APBA1: variants seen among roughly 807,000 people sequenced by gnomAD.
APBA1 encodes the protein amyloid-beta A4 precursor protein-binding family A member 1.
Under a neutral mutation model 86.6 loss-of-function variants are expected in APBA1, and 55 were observed. The ratio of observed to expected loss-of-function variants is 0.64; its 90% CI spans 0.51 to 0.80. APBA1 has a LOEUF of 0.80. APBA1 is among the 30% of genes least tolerant of loss of function. APBA1 has a pLI of 0.00. For missense variants in APBA1, 1,090 were observed against 1,183.0 expected (o/e 0.92, Z 1.15); for synonymous variants, 511 against 493.9 (o/e 1.03, Z -0.46).
intron 1 of APBA1, among the ~76,000 whole-genome samples, chr9:69,597,268 G>A (rs1398772895): frequency 1.3e-5 from 2 of 152,196 alleles, no homozygotes; most frequent in African/African-American, 4.8e-5. Flanking sequence ...GATGGCCAGT[G>A]ATGATAAGCA....
chr9:69,433,830 A>AAGAC (rs1834647681), intron 11 of APBA1, among the ~76,000 whole-genome samples: 2 of 121,396 alleles, frequency 1.6e-5, no homozygotes, highest in African/African-American at 8.1e-5. Context: ...TTTTTTTTTT[A>AAGAC]AGACAGAGTC....
chr9:69,599,158 C>G (rs10867828), intron 1 of APBA1, among the ~76,000 whole-genome samples: 1 of 151,978 alleles, frequency 6.6e-6, no homozygotes, highest in Non-Finnish European at 1.5e-5. Flanking sequence ...GATGGCTGCA[C>G]GACAATGTGA....
intron 1 of APBA1, among the ~76,000 whole-genome samples, chr9:69,546,132 C>T (rs1836693717): frequency 6.6e-6 from 1 of 152,102 alleles, no homozygotes; most frequent in Non-Finnish European, 1.5e-5. Flanking sequence ...ATGAGGTTGT[C>T]ATTTGTATTT....
chr9:69,641,977 T>C (rs1313757018), intron 1 of APBA1, among the ~76,000 whole-genome samples: 3 of 152,168 alleles, frequency 2.0e-5, no homozygotes, highest in Non-Finnish European at 4.4e-5. Flanking sequence ...TCCCAAGTAG[T>C]TGGGACTACA....
chr9:69,653,339 T>C (rs1588413644), intron 1 of APBA1, among the ~76,000 whole-genome samples: 1 of 151,558 alleles, frequency 6.6e-6, no homozygotes, highest in Non-Finnish European at 1.5e-5. Context: ...AAGGGAGAGG[T>C]TGACTACAAT....
At chr9:69,652,360 G>A (rs1209619892) in intron 1 of APBA1, among the ~76,000 whole-genome samples, 2 of 152,156 alleles carry the variant, frequency 1.3e-5, no homozygotes, top group East Asian at 1.9e-4. Flanking sequence ...TAGTCAGAGT[G>A]AGCAGGGCAA....
At chr9:69,591,459 C>A (rs539769716) in intron 1 of APBA1, among the ~76,000 whole-genome samples, 1 of 152,330 alleles carries the variant, frequency 6.6e-6, no homozygotes, top group African/African-American at 2.4e-5. Context: ...GAATGCTCAA[C>A]ATAGAAGCTT....
Position 69,606,479 on chromosome 9 carries a change from C to CTTTTTTTTTT in APBA1, c.-70+65664_-70+65673dup, listed in dbSNP as rs35083481. Among the ~76,000 whole-genome samples, 3 of 50,894 alleles carry CTTTTTTTTTT rather than the reference C, an allele frequency of 5.9e-5. 1 individual carries two copies. The highest frequency in any genetic ancestry group is 1.1e-4 in the Non-Finnish European group (3 of 27,962). 33.4% of individuals were successfully genotyped at this position (50,894 alleles called of 152,430 possible). On this transcript the variant is annotated intron_variant, in intron 1 of 12. Coordinates refer to ENST00000265381, the MANE Select transcript of APBA1 (RefSeq NM_001163.4). ...TTGACACAGTGAGTGAGGGAGCTAGCTTTTTTTTTTTTTTTTTTTTTTTTT... is the reference window on the plus strand; with the variant it reads ...TTGACACAGTGAGTGAGGGAGCTAGCTTTTTTTTTTTTTTTTTTTTTTTTTTTTTTTTTTT...
intron 1 of APBA1, among the ~76,000 whole-genome samples, chr9:69,635,761 A>G (rs574561038): frequency 2.0e-5 from 3 of 152,334 alleles, no homozygotes; most frequent in African/African-American, 7.2e-5. Context: ...GTCACTATAT[A>G]ATGATAAAGG....
intron 2 of APBA1, among the ~76,000 whole-genome samples, chr9:69,482,206 T>G (rs562525672): frequency 2.0e-5 from 3 of 151,822 alleles, no homozygotes; most frequent in Non-Finnish European, 2.9e-5. Flanking sequence ...TGGGAGAAAA[T>G]TTTTGCAACC....
At chr9:69,484,962 C>A (rs1272325609) in intron 2 of APBA1, among the ~76,000 whole-genome samples, 1 of 151,798 alleles carries the variant, frequency 6.6e-6, no homozygotes, top group African/African-American at 2.4e-5. Flanking sequence ...ATTCAACATG[C>A]AGTTTTTTTA....
chr9:69,517,318 A>C lies in APBA1; in HGVS notation c.-69-39T>G, dbSNP rs1564064132. On this transcript the variant is annotated intron_variant, in intron 1 of 12. Transcript: ENST00000265381. ...AAGGGGAGAGGCTGTCACGTGGTGC[A>C]AACAGTCGTTATGAGCTGAGTATTC... is the stretch of plus-strand genomic sequence containing the variant. 5 of 1,392,598 alleles carry C rather than the reference A, an allele frequency of 3.6e-6. No homozygotes were observed. The East Asian group carries it at 1.4e-4, about 39-fold the overall frequency. The allele number at this position is 1,392,598 out of a possible 1,614,324, so 86.3% of individuals were successfully genotyped here.
intron 1 of APBA1, among the ~76,000 whole-genome samples, chr9:69,669,303 T>C (rs1823901166): frequency 6.6e-6 from 1 of 152,106 alleles, no homozygotes; most frequent in Admixed American, 6.5e-5. Context: ...GCCCCAGAGG[T>C]CAATTTTCAA....
At position 69,573,156 on chromosome 9, in the gene APBA1, CA is replaced by C. The variant is rs538173899; in HGVS notation, c.-69-55878del. Reference sequence around the variant, plus strand: ...GCCTCGCGACAGAGCAAGACCATCTCAAAAAAAATAAATAAATAAAGAAGAA... The same window carrying C: ...GCCTCGCGACAGAGCAAGACCATCTCAAAAAAATAAATAAATAAAGAAGAA... On this transcript the variant is annotated intron_variant, in intron 1 of 12. Transcript: ENST00000265381. 8.0e-3 allele frequency among the ~76,000 whole-genome samples: 1,206 copies of C among 151,646 alleles called. 16 individuals carry two copies. Among genetic ancestry groups the C allele is most frequent in the African/African-American group, 0.027 (1,125 of 41,346 alleles).
Position 69,503,843 on chromosome 9 carries a change from C to G in APBA1, c.1200+12168G>C, listed in dbSNP as rs144030944. 8.2e-4 allele frequency among the ~76,000 whole-genome samples: 125 copies of G among 152,174 alleles called. 1 individual carries two copies. The highest frequency in any genetic ancestry group is 2.8e-3 in the African/African-American group (115 of 41,516). On this transcript the variant is annotated intron_variant, in intron 2 of 12. Coordinates refer to ENST00000265381, the MANE Select transcript of APBA1 (RefSeq NM_001163.4). Reference sequence around the variant, plus strand: ...CTGCATGGTTGTGATCCTGGGATCTCCTTTCCTGTCACCTGGAGATTCTCT... The same window carrying G: ...CTGCATGGTTGTGATCCTGGGATCTGCTTTCCTGTCACCTGGAGATTCTCT...
intron 1 of APBA1, among the ~76,000 whole-genome samples, chr9:69,518,820 A>C (rs1343757168): frequency 1.3e-5 from 2 of 151,960 alleles, no homozygotes; most frequent in Admixed American, 1.3e-4. Flanking sequence ...TATTCTACTC[A>C]ACTCCCCATC....
chr9:69,661,039 A>G (rs561907001), intron 1 of APBA1, among the ~76,000 whole-genome samples: 25 of 152,350 alleles, frequency 1.6e-4, no homozygotes, highest in African/African-American at 6.0e-4. Context: ...GGTTGCAAAA[A>G]GTTAAATGAG....
intron 2 of APBA1, among the ~76,000 whole-genome samples, chr9:69,491,605 T>TAAA (rs199676293): frequency 1.4e-5 from 2 of 144,790 alleles, no homozygotes; most frequent in African/African-American, 5.0e-5. Flanking sequence ...AAGTATTATT[T>TAAA]AAAAAAAAAA....
intron 1 of APBA1, among the ~76,000 whole-genome samples, chr9:69,599,648 G>C (rs1026120983): frequency 6.6e-6 from 1 of 152,210 alleles, no homozygotes; most frequent in Non-Finnish European, 1.5e-5. Context: ...GGTTCTCAAA[G>C]TGTGGCCCCT....
Sources: gnomAD v4.1 joint callset for allele counts (sites outside exome capture counted in the v4.1 genomes callset) on GRCh38, gnomAD v4.1.1 for gene constraint, MANE v1.5 for transcripts, NCBI Gene and HGNC (gene_info 2026-07-23, HGNC 2026-07-21) for gene names.